Variants in SLC41A2 observed in about 807,000 individuals in gnomAD.
The protein encoded by SLC41A2 is SLC41A1-like 1.
Under a neutral mutation model 58.3 loss-of-function variants are expected in SLC41A2, and 32 were observed. The ratio of observed to expected loss-of-function variants is 0.55; its 90% CI spans 0.41 to 0.74. SLC41A2 has a LOEUF of 0.74. Ranked by LOEUF, SLC41A2 falls within the 30% of genes least tolerant of loss-of-function variation. SLC41A2 has a pLI of 0.00. For synonymous variants in SLC41A2, 190 were observed against 235.0 expected, an observed-to-expected ratio of 0.81 and a Z score of 1.75; for missense variants, 514 against 680.6, an observed-to-expected ratio of 0.76 and a Z score of 2.72.
chr12:104,924,662 T>C (rs1209357136), intron 2 of SLC41A2, among the ~76,000 whole-genome samples: 1 of 152,056 alleles, frequency 6.6e-6, no homozygotes, highest in African/African-American at 2.4e-5. Flanking sequence ...GAGAATCGCT[T>C]GAACCTGGGA....
intron 1 of SLC41A2, among the ~76,000 whole-genome samples, chr12:104,946,951 T>C (rs999635006): frequency 1.2e-4 from 19 of 152,210 alleles, no homozygotes; most frequent in African/African-American, 3.4e-4. Context: ...CTCATGTAAA[T>C]ACATCTCCTT....
intron 2 of SLC41A2, among the ~76,000 whole-genome samples, chr12:104,918,635 A>AAAAC (rs2046441083): frequency 6.6e-6 from 1 of 151,222 alleles, no homozygotes; most frequent in African/African-American, 2.4e-5. Flanking sequence ...CATGAAAAAA[A>AAAAC]AAAAAAAAAA....
chr12:104,932,242 T>C (rs1284799500), intron 1 of SLC41A2, among the ~76,000 whole-genome samples: 1 of 152,150 alleles, frequency 6.6e-6, no homozygotes, highest in South Asian at 2.1e-4. Flanking sequence ...CGCTGAATAA[T>C]GAATTACAAT....
rs1373958973 is a variant in SLC41A2 at position 104,928,000 on chromosome 12, T to G, written c.528A>C (p.Ser176=). Residue 176 remains serine, a synonymous_variant, in exon 2 of 11, where the codon TCA becomes TCC. Coordinates refer to ENST00000258538, the MANE Select transcript of SLC41A2 (RefSeq NM_001352171.3). ...GTACTATATCCAGTACCATGCCAGC[T>G]GAAACTGTTCCAAAACCAGCTAGCA... The part of the protein sequence containing the change: ...PFLLAGFGTV[S]AGMVLDIVQH... 22 of 1,611,024 alleles carry G rather than the reference T, an allele frequency of 1.4e-5. No individual in the cohort carries two copies. The highest frequency in any genetic ancestry group is 1.9e-5 in the Non-Finnish European group (22 of 1,178,468).
intron 1 of SLC41A2, among the ~76,000 whole-genome samples, chr12:104,938,236 C>T (rs2047360118): frequency 6.6e-6 from 1 of 152,186 alleles, no homozygotes; most frequent in Non-Finnish European, 1.5e-5. Flanking sequence ...GATACAAAAG[C>T]ACCCAGGAGG....
intron 6 of SLC41A2, among the ~76,000 whole-genome samples, chr12:104,867,883 CTA>C (rs1218110713): frequency 1.3e-5 from 2 of 151,760 alleles, no homozygotes; most frequent in Admixed American, 6.6e-5. Flanking sequence ...ATCTTCTCAC[CTA>C]TGACTAAAGA....
chr12:104,844,530 C>A lies in SLC41A2; in HGVS notation c.1478G>T (p.Gly493Val), dbSNP rs776484971. 1.3e-5 allele frequency: 21 copies of A among 1,570,426 alleles called. No homozygotes were observed. The highest frequency in any genetic ancestry group is 1.6e-5 in the Non-Finnish European group (18 of 1,158,722). The change falls in exon 10 of 11, where the codon GGT becomes GTT. Residue 493 changes from glycine to valine, a missense_variant. Around this residue, in one of 3 missense-constraint regions of SLC41A2, gnomAD observed 128 missense variants for 146.0 expected, o/e 0.88. Coordinates refer to ENST00000258538, the MANE Select transcript of SLC41A2 (RefSeq NM_001352171.3). ...FLYTIHLMKS[G>V]HTSLTIIFIV... ...GAAGATTATAGTTAAAGAAGTATGACCACTTTTCATCAAATGAATAGTGTA... is the reference window on the plus strand; with the variant it reads ...GAAGATTATAGTTAAAGAAGTATGAACACTTTTCATCAAATGAATAGTGTA...
intron 1 of SLC41A2, among the ~76,000 whole-genome samples, chr12:104,932,692 A>C (rs1452029539): frequency 2.6e-5 from 4 of 151,466 alleles, no homozygotes; most frequent in African/African-American, 9.7e-5. Context: ...AAGTAGATAT[A>C]TAGACCAAAG....
At chr12:104,854,785 A>G (rs1252150761) in intron 8 of SLC41A2, among the ~76,000 whole-genome samples, 1 of 152,076 alleles carries the variant, frequency 6.6e-6, no homozygotes, top group Admixed American at 6.5e-5. Flanking sequence ...AGATTAGAAA[A>G]CACTGCCCTA....
At chr12:104,927,952 T>C (rs2046909093) in intron 2 of SLC41A2, 21 bp downstream of exon 2, 11 of 1,527,142 alleles carry the variant, frequency 7.2e-6, no homozygotes, top group African/African-American at 1.4e-5. Flanking sequence ...ACAGTAAAGT[T>C]AAATAAAGAT....
chr12:104,820,055 TC>T (rs2041564782), intron 10 of SLC41A2, among the ~76,000 whole-genome samples: 3 of 152,194 alleles, frequency 2.0e-5, no homozygotes, highest in Admixed American at 2.0e-4. Context: ...CAGTGTCAGC[TC>T]CCTTCCCTCC....
intron 3 of SLC41A2, among the ~76,000 whole-genome samples, chr12:104,899,128 T>A (rs1055152130): frequency 3.9e-5 from 6 of 152,202 alleles, no homozygotes; most frequent in African/African-American, 1.2e-4. Flanking sequence ...TCTTTTTTTT[T>A]ATAGTTACTA....
chr12:104,811,083 AT>A (rs2041153128), intron 10 of SLC41A2, among the ~76,000 whole-genome samples: 1 of 152,182 alleles, frequency 6.6e-6, no homozygotes, highest in African/African-American at 2.4e-5. Flanking sequence ...GAAAAATAAA[AT>A]TGTTCATGGC....
chr12:104,944,443 C>A (rs1328827988), intron 1 of SLC41A2, among the ~76,000 whole-genome samples: 1 of 152,208 alleles, frequency 6.6e-6, no homozygotes, highest in Non-Finnish European at 1.5e-5. Flanking sequence ...AGTGCACCAA[C>A]TAATCACAAG....
intron 2 of SLC41A2, among the ~76,000 whole-genome samples, chr12:104,916,576 C>A (rs2046333258): frequency 1.3e-5 from 2 of 152,194 alleles, no homozygotes; most frequent in South Asian, 4.1e-4. Flanking sequence ...TCAAACTATA[C>A]TACAAGGCTA....
chr12:104,902,235 A>C (rs1593107187), intron 3 of SLC41A2, among the ~76,000 whole-genome samples: 2 of 152,360 alleles, frequency 1.3e-5, no homozygotes, highest in East Asian at 3.9e-4. Context: ...GTACAGTTAG[A>C]AATCTGCTTC....
At chr12:104,936,442 T>TA (rs1163478974) in intron 1 of SLC41A2, among the ~76,000 whole-genome samples, 5 of 152,112 alleles carry the variant, frequency 3.3e-5, no homozygotes, top group Admixed American at 3.3e-4. Flanking sequence ...GATAAAGACA[T>TA]ACCCAAGACT....
rs572143788 is a variant in SLC41A2 at position 104,804,755 on chromosome 12, C to A, written c.*397G>T. On this transcript the variant is annotated 3_prime_UTR_variant, in exon 11 of 11. Transcript: ENST00000258538. ...GTTTTATAGTATGCCTGGGATACAG[C>A]ACATCTGTGAGACAAGAAAGGCTAA... The A allele has an allele frequency of 6.4e-6, 1 of 156,880 alleles. No individual in the cohort carries two copies. Among genetic ancestry groups the A allele is most frequent in the African/African-American group, 2.4e-5 (1 of 41,596 alleles). 9.7% of individuals were successfully genotyped at this position (156,880 alleles called of 1,614,324 possible). A position where few individuals can be genotyped will look rare whatever the true frequency, so the allele number is the denominator to read the frequency against.
chr12:104,949,363 C>A (rs1189228694), intron 1 of SLC41A2, among the ~76,000 whole-genome samples: 3 of 152,124 alleles, frequency 2.0e-5, no homozygotes, highest in Non-Finnish European at 4.4e-5. Flanking sequence ...AACTTTAGTA[C>A]CTGCTCCCAG....
Sources: allele counts gnomAD v4.1 joint callset (sites outside exome capture counted in the v4.1 genomes callset), GRCh38; gene constraint gnomAD v4.1.1; regional missense constraint gnomAD v4.1.1; transcripts MANE v1.5; gene names NCBI Gene and HGNC (gene_info 2026-07-23, HGNC 2026-07-21).